Variants in PECR observed in about 807,000 individuals in gnomAD.
PECR encodes 2,4-dienoyl-CoA reductase-related protein.
In PECR, 30 loss-of-function variants were observed where a neutral mutation model predicts 35.3. The ratio of observed to expected loss-of-function variants is 0.85; its 90% CI spans 0.64 to 1.15. The LOEUF (loss-of-function observed/expected upper bound fraction) is 1.15. Among genes scored for constraint, PECR ranks in the 50% most tolerant of loss-of-function variants. The pLI, the probability that PECR is intolerant of heterozygous loss-of-function variation, is 0.00. For missense variants in PECR, 392 were observed against 370.8 expected (o/e 1.06, Z -0.47); for synonymous variants, 148 against 138.9 (o/e 1.07, Z -0.46).
intron 1 of PECR, among the ~76,000 whole-genome samples, chr2:216,078,403 G>A (rs1695755694): frequency 6.6e-6 from 1 of 151,974 alleles, no homozygotes; most frequent in African/African-American, 2.4e-5. Flanking sequence ...GAGGTCAAGG[G>A]GGATGGATCA....
intron 4 of PECR, among the ~76,000 whole-genome samples, chr2:216,055,960 T>A (rs1161507154): frequency 6.6e-6 from 1 of 152,186 alleles, no homozygotes; most frequent in Non-Finnish European, 1.5e-5. Flanking sequence ...TCCTCATATG[T>A]CACCAAACTC....
intron 1 of PECR, among the ~76,000 whole-genome samples, chr2:216,068,596 T>C (rs947473230): frequency 6.6e-6 from 1 of 152,100 alleles, no homozygotes; most frequent in Non-Finnish European, 1.5e-5. Context: ...TGATGCCAGA[T>C]AAAAATCTAA....
chr2:216,042,419 C>T (rs561443290), intron 7 of PECR, among the ~76,000 whole-genome samples: 3 of 152,172 alleles, frequency 2.0e-5, no homozygotes, highest in South Asian at 2.1e-4. Context: ...TGAAAGAGTA[C>T]GTAGACCCTG....
At chr2:216,031,689 A>G (rs57027128) in intron 7 of PECR, among the ~76,000 whole-genome samples, 6,841 of 32,916 alleles carry the variant, frequency 0.21, 255 homozygotes, top group East Asian at 0.32. Context: ...GAAAGAAAGA[A>G]AGAGAAAGAA....
intron 7 of PECR, among the ~76,000 whole-genome samples, chr2:216,029,349 G>C (rs774469360): frequency 6.6e-6 from 1 of 152,078 alleles, no homozygotes; most frequent in South Asian, 2.1e-4. Context: ...GTGGTGGCGC[G>C]CTTCTGTAGT....
downstream of PECR, among the ~76,000 whole-genome samples, chr2:216,037,005 C>T (rs1694804817): frequency 6.6e-6 from 1 of 152,196 alleles, no homozygotes; most frequent in Admixed American, 6.5e-5. Context: ...CTCTCTCTTT[C>T]TCTCAATCTC....
At chr2:216,069,099 T>TA (rs1695534513) in intron 1 of PECR, among the ~76,000 whole-genome samples, 1 of 152,196 alleles carries the variant, frequency 6.6e-6, no homozygotes, top group Admixed American at 6.5e-5. Flanking sequence ...TAGCTTAGCT[T>TA]AAAGACACCA....
At chr2:216,063,936 G>T (rs1695412155) in intron 3 of PECR, 1 of 152,006 alleles carries the variant, frequency 6.6e-6, no homozygotes, top group African/African-American at 2.4e-5. Flanking sequence ...TGTTGCCCAG[G>T]CTGGTCTCAA....
At chr2:216,044,871 T>TTC (rs1694962223) in intron 6 of PECR, among the ~76,000 whole-genome samples, 1 of 152,060 alleles carries the variant, frequency 6.6e-6, no homozygotes, top group Non-Finnish European at 1.5e-5. Context: ...GAAGCAGAGT[T>TTC]TCTCAAAGGG....
intron 3 of PECR, among the ~76,000 whole-genome samples, chr2:216,063,473 C>T (rs544717790): frequency 1.3e-5 from 2 of 151,914 alleles, no homozygotes; most frequent in Non-Finnish European, 2.9e-5. Context: ...TAAAAATTAG[C>T]CAGATGTGGT....
intron 4 of PECR, among the ~76,000 whole-genome samples, chr2:216,054,555 C>T (rs1402990536): frequency 6.6e-6 from 1 of 151,172 alleles, no homozygotes; most frequent in East Asian, 2.0e-4. Context: ...ATGCTGGTCT[C>T]GAACTCCTGA....
At chr2:216,066,025 G>T (rs1386759789) in intron 2 of PECR, among the ~76,000 whole-genome samples, 1 of 152,188 alleles carries the variant, frequency 6.6e-6, no homozygotes, top group African/African-American at 2.4e-5. Flanking sequence ...TCAGGAGGCT[G>T]AGTCAGGAGA....
At chr2:216,029,633 A>G (rs1694649154) in intron 7 of PECR, among the ~76,000 whole-genome samples, 1 of 152,244 alleles carries the variant, frequency 6.6e-6, no homozygotes, top group African/African-American at 2.4e-5. Context: ...AGTTCTCAAA[A>G]TACAAGGATG....
chr2:216,031,600 G>T (rs1694701639), intron 7 of PECR, among the ~76,000 whole-genome samples: 1 of 135,638 alleles, frequency 7.4e-6, no homozygotes, highest in Admixed American at 7.7e-5. Context: ...AGAAAAGAAG[G>T]AAAGAAGGAA....
downstream of PECR, among the ~76,000 whole-genome samples, chr2:216,037,814 G>T (rs1422599091): frequency 6.6e-6 from 1 of 152,100 alleles, no homozygotes; most frequent in Non-Finnish European, 1.5e-5. Context: ...GCCGGGCGTG[G>T]TGGCTCTCAC....
intron 1 of PECR, among the ~76,000 whole-genome samples, chr2:216,069,949 A>AG (rs1207603532): frequency 6.6e-6 from 1 of 150,552 alleles, no homozygotes. Context: ...AAAAAAAAAA[A>AG]AAAGAAACTT....
intron 4 of PECR, among the ~76,000 whole-genome samples, chr2:216,055,904 G>C (rs1195088778): frequency 1.3e-5 from 2 of 152,128 alleles, no homozygotes; most frequent in Admixed American, 1.3e-4. Flanking sequence ...TCAAATTTCT[G>C]TGTCTTTACA....
intron 1 of PECR, among the ~76,000 whole-genome samples, chr2:216,070,307 C>T (rs926352350): frequency 1.4e-4 from 22 of 152,084 alleles, no homozygotes; most frequent in African/African-American, 5.1e-4. Context: ...AGCTAAGAAC[C>T]ACTTTGAGCT....
At chr2:216,074,386 C>A (rs1475623167) in intron 1 of PECR, among the ~76,000 whole-genome samples, 1 of 151,316 alleles carries the variant, frequency 6.6e-6, no homozygotes, top group Admixed American at 6.6e-5. Flanking sequence ...GCAGAGGTTG[C>A]AGTGAGGCAA....
Sources: allele counts gnomAD v4.1 joint callset (sites outside exome capture counted in the v4.1 genomes callset), GRCh38; gene constraint gnomAD v4.1.1; transcripts MANE v1.5; gene names NCBI Gene and HGNC (gene_info 2026-07-23, HGNC 2026-07-21).